Variants in TRIM68 observed in about 807,000 individuals in gnomAD.
The protein encoded by TRIM68 is E3 ubiquitin-protein ligase TRIM68.
TRIM68 carries 36 observed loss-of-function variants against 41.9 expected under a neutral mutation model. The observed-to-expected ratio is 0.86, with a 90% CI of 0.66 to 1.14. The LOEUF (loss-of-function observed/expected upper bound fraction) is 1.14, where lower values mean the gene tolerates loss of function less well. Ranked by LOEUF, TRIM68 falls within the 50% of genes most tolerant of loss-of-function variation. The probability of loss-of-function intolerance (pLI) is 0.00; values close to 1 mark genes in which losing one functional copy is unlikely to be tolerated. For missense variants in TRIM68, 632 were observed against 605.1 expected, an observed-to-expected ratio of 1.04 and a Z score of -0.47; for synonymous variants, 225 against 224.6, an observed-to-expected ratio of 1.00 and a Z score of -0.02.
In TRIM68 at chr11:4,600,080, TG is replaced by T; in HGVS notation, c.*195del. On this transcript the variant is annotated 3_prime_UTR_variant, in exon 7 of 7. Coordinates refer to ENST00000300747, the MANE Select transcript of TRIM68 (RefSeq NM_018073.8). ...TCATGGGATGCAATGCTCATTTGACTGGGCCTCTGCTTTTTAAAATAAGTGG... is the reference window on the plus strand; with the variant it reads ...TCATGGGATGCAATGCTCATTTGACTGGCCTCTGCTTTTTAAAATAAGTGG... 1.8e-6 allele frequency: 1 copy of T among 554,380 alleles called. No individual in the cohort carries two copies. Among genetic ancestry groups the T allele is most frequent in the Non-Finnish European group, 3.1e-6 (1 of 322,698 alleles). 34.3% of individuals were successfully genotyped at this position (554,380 alleles called of 1,614,324 possible). A position where few individuals can be genotyped will look rare whatever the true frequency, so the allele number is the denominator to read the frequency against.
chr11:4,600,192 G>T lies in TRIM68; in HGVS notation c.*84C>A. ...ATACTGGGCTCAGCTCAGTTTCAGG[G>T]GATACCTGTCAGTGGCTCGGTCCTC... On this transcript the variant is annotated 3_prime_UTR_variant, in exon 7 of 7. Coordinates refer to ENST00000300747, the MANE Select transcript of TRIM68 (RefSeq NM_018073.8). 1 of 1,372,590 alleles carries T rather than the reference G, an allele frequency of 7.3e-7. No homozygotes were observed. Among genetic ancestry groups the T allele is most frequent in the Non-Finnish European group, 9.9e-7 (1 of 1,011,526 alleles). 85.0% of individuals were successfully genotyped at this position (1,372,590 alleles called of 1,614,324 possible). A position where few individuals can be genotyped will look rare whatever the true frequency, so the allele number is the denominator to read the frequency against.
intron 1 of TRIM68, among the ~76,000 whole-genome samples, chr11:4,606,245 A>T (rs955272400): frequency 1.3e-5 from 2 of 152,246 alleles, no homozygotes; most frequent in Non-Finnish European, 2.9e-5. Context: ...TTGGAGATTA[A>T]AACAAAGATC....
intron 6 of TRIM68, 49 bp downstream of exon 6, chr11:4,600,978 G>A: frequency 6.3e-7 from 1 of 1,593,602 alleles, no homozygotes; most frequent in Non-Finnish European, 8.6e-7. Flanking sequence ...TCTATCTCTG[G>A]GAGGGGTCCC....
At chr11:4,603,849 T>G (rs917360101) in intron 2 of TRIM68, among the ~76,000 whole-genome samples, 2 of 152,194 alleles carry the variant, frequency 1.3e-5, no homozygotes, top group African/African-American at 2.4e-5. Context: ...CCTAGAATAG[T>G]AATGCAAGGG....
chr11:4,601,993 G>T, intron 4 of TRIM68, 159 bp downstream of exon 4: 1 of 1,102,326 alleles, frequency 9.1e-7, no homozygotes, highest in Non-Finnish European at 1.3e-6. Flanking sequence ...CACCAGCCAG[G>T]GATAGGGAAA....
Position 4,600,391 on chromosome 11 carries a change from G to A in TRIM68, c.1343C>T (p.Thr448Ile). The part of the protein sequence containing the change: ...NVTDCGSHIF[T>I]FPRYPFPGRL... ...CCCAGGGAAGGGATAGCGGGGGAAA[G>A]TGAAGATGTGGGAGCCACAGTCAGT... The change falls in exon 7 of 7, where the codon ACT (threonine) becomes ATT (isoleucine). Residue 448 changes from threonine (T) to isoleucine (I), a missense_variant. Transcript: ENST00000300747. The A allele has an allele frequency of 3.7e-6, 6 of 1,614,176 alleles. No individual in the cohort carries two copies. Among genetic ancestry groups the A allele is most frequent in the Non-Finnish European group, 4.2e-6 (5 of 1,180,028 alleles).
intron 1 of TRIM68, 61 bp from the exon 2 acceptor site, chr11:4,605,622 G>A (rs1160706231): frequency 3.0e-6 from 3 of 1,013,586 alleles, no homozygotes; most frequent in East Asian, 2.6e-5. Context: ...AGAGAGATCA[G>A]TAACAGGAAT....
At chr11:4,603,718 AC>A (rs1296978968) in intron 2 of TRIM68, among the ~76,000 whole-genome samples, 3 of 152,166 alleles carry the variant, frequency 2.0e-5, no homozygotes, top group African/African-American at 7.2e-5. Context: ...CATCCACATC[AC>A]CTAGGAGCTT....
rs1348373937 is a variant in TRIM68, at chr11:4,600,666, G to T, written c.1068C>A (p.Gly356=). Residue 356 remains glycine (G), a synonymous_variant, in exon 7 of 7, where the codon GGC becomes GGA. Coordinates refer to ENST00000300747, the MANE Select transcript of TRIM68 (RefSeq NM_018073.8). ...CCACCTCCACCTCCCAGTAGTGCCG[G>T]CCTGAGGAGATGCACTGGCTTCCCA... is the stretch of plus-strand genomic sequence containing the variant. The part of the protein sequence containing the change: ...IVLGSQCISS[G]RHYWEVEVGD... 2 of 1,614,142 alleles carry T rather than the reference G, an allele frequency of 1.2e-6. No individual in the cohort carries two copies. The highest frequency in any genetic ancestry group is 8.5e-7 in the Non-Finnish European group (1 of 1,180,018).
intron 5 of TRIM68, 99 bp downstream of exon 5, chr11:4,601,565 T>A (rs1292880108): frequency 2.3e-6 from 3 of 1,308,414 alleles, no homozygotes. Context: ...CCTGCTTTTC[T>A]GTGTGCACCG....
chr11:4,606,388 A>G (rs1385878737), intron 1 of TRIM68, among the ~76,000 whole-genome samples: 1 of 152,204 alleles, frequency 6.6e-6, no homozygotes, highest in Non-Finnish European at 1.5e-5. Flanking sequence ...ATATTTATTC[A>G]TTCACTTTGC....
chr11:4,605,204 G>A lies in TRIM68; in HGVS notation c.301C>T (p.His101Tyr). 2.5e-6 allele frequency: 4 copies of A among 1,614,240 alleles called. No individual in the cohort carries two copies. The highest frequency in any genetic ancestry group is 3.4e-6 in the Non-Finnish European group (4 of 1,180,048). ...MGLKGDLCER[H>Y]GEKLKMFCKE... The stretch of plus-strand genomic sequence containing the variant: ...CAGAACATCTTCAGCTTTTCCCCAT[G>A]GCGCTCACACAGGTCACCCTTCAGC... The change falls in exon 2 of 7, where the codon CAT becomes TAT. Residue 101 changes from histidine to tyrosine, a missense_variant. Transcript: ENST00000300747.
intron 2 of TRIM68, among the ~76,000 whole-genome samples, chr11:4,604,725 G>A (rs1846542622): frequency 6.6e-6 from 1 of 152,218 alleles, no homozygotes; most frequent in African/African-American, 2.4e-5. Context: ...CAGGTCAGGT[G>A]TAGCCTTGAC....
At chr11:4,605,695 T>C (rs899122707) in intron 1 of TRIM68, 134 bp from the exon 2 acceptor site, 5 of 621,972 alleles carry the variant, frequency 8.0e-6, no homozygotes, top group East Asian at 2.8e-5. Flanking sequence ...TTAATAAGCA[T>C]TGGCCTTTCC....
At chr11:4,606,377 A>G (rs1214500583) in intron 1 of TRIM68, among the ~76,000 whole-genome samples, 1 of 152,214 alleles carries the variant, frequency 6.6e-6, no homozygotes, top group East Asian at 1.9e-4. Flanking sequence ...CTCAGTTGGC[A>G]ATATTTATTC....
intron 5 of TRIM68, 160 bp from the exon 6 acceptor site, chr11:4,601,287 G>T: frequency 1.5e-6 from 1 of 649,368 alleles, no homozygotes. Context: ...AGCTGTTTGT[G>T]TGCAGAGGTG....
In TRIM68 at chr11:4,602,143, A is replaced by G. The variant is rs1428589127; in HGVS notation, c.783+9T>C. The G allele has an allele frequency of 6.2e-7, 1 of 1,614,054 alleles. No individual in the cohort carries two copies. The highest frequency in any genetic ancestry group is 2.2e-5 in the East Asian group (1 of 44,886). ...TCACTCAGGGTTACCAGGAAAACCT[A>G]CTACTCACCTGCAACATCCAGCGGA... On this transcript the variant is annotated intron_variant, in intron 4 of 6. Coordinates refer to ENST00000300747, the MANE Select transcript of TRIM68 (RefSeq NM_018073.8).
chr11:4,600,624 C>T lies in TRIM68; in HGVS notation c.1110G>A (p.Trp370Ter), dbSNP rs778194276. Reference sequence around the variant, plus strand: ...CATTTTGCTTACATACTCCCAGGCCCCACTCAGACCTGTCTCCCACCTCCA... The same window carrying T: ...CATTTTGCTTACATACTCCCAGGCCTCACTCAGACCTGTCTCCCACCTCCA... Reference protein sequence around the residue: ...WEVEVGDRSEWGLGVCKQNVD... With the variant: ...WEVEVGDRSE Residue 370 changes from tryptophan (W) to a stop codon, truncating the protein, a stop_gained, in exon 7 of 7, where the codon TGG becomes TGA. Transcript: ENST00000300747. LOFTEE classifies it low-confidence loss of function (END_TRUNC). 5.6e-6 allele frequency: 9 copies of T among 1,614,114 alleles called. No homozygotes were observed. Among genetic ancestry groups the T allele is most frequent in the Non-Finnish European group, 7.6e-6 (9 of 1,180,018 alleles).
chr11:4,602,407 C>A lies in TRIM68; in HGVS notation c.528G>T (p.Gln176His). Reference sequence around the variant, plus strand: ...CAATACTCTGTTTTCGGGTTTCCACCTGTATCTGTGGAGCCAAGATGGAAA... The same window carrying A: ...CAATACTCTGTTTTCGGGTTTCCACATGTATCTGTGGAGCCAAGATGGAAA... ...ERKRTATWKIQVETRKQSIVW... is the reference protein window; with the variant it reads ...ERKRTATWKIHVETRKQSIVW... Residue 176 changes from glutamine to histidine, a missense_variant, in exon 4 of 7, where the codon CAG (glutamine) becomes CAT (histidine). Transcript: ENST00000300747. 1 of 1,613,080 alleles carries A rather than the reference C, an allele frequency of 6.2e-7. No homozygotes were observed. Among genetic ancestry groups the A allele is most frequent in the South Asian group, 1.1e-5 (1 of 91,026 alleles).
Sources: gnomAD v4.1 joint callset for allele counts (sites outside exome capture counted in the v4.1 genomes callset) on GRCh38, gnomAD v4.1.1 for gene constraint, MANE v1.5 for transcripts, NCBI Gene and HGNC (gene_info 2026-07-23, HGNC 2026-07-21) for gene names.